The following TRIM2 variants were observed in gnomAD, a reference collection of about 807,000 sequenced individuals.
TRIM2 encodes the protein tripartite motif containing 2.
A neutral mutation model predicts 75.2 loss-of-function variants in TRIM2; 20 were observed. The observed-to-expected ratio is 0.27, with a 90% CI of 0.19 to 0.39. The LOEUF is 0.39. TRIM2 is among the 10% of genes least tolerant of loss of function. The pLI, the probability that TRIM2 is intolerant of heterozygous loss-of-function variation, is 1.00. For synonymous variants in TRIM2, 373 were observed against 388.3 expected (o/e 0.96, Z 0.46); for missense variants, 660 against 990.8 (o/e 0.67, Z 4.48).
intron 1 of TRIM2, among the ~76,000 whole-genome samples, chr4:153,235,965 G>A (rs1270384689): frequency 6.6e-6 from 1 of 152,080 alleles, no homozygotes; most frequent in African/African-American, 2.4e-5. Flanking sequence ...GGCTCCATGT[G>A]ACATGTGTCG....
intron 1 of TRIM2, chr4:153,222,264 A>C (rs929952280): frequency 6.6e-6 from 1 of 151,968 alleles, no homozygotes; most frequent in Non-Finnish European, 1.5e-5. Flanking sequence ...GCTTATAATG[A>C]ACTGTCATGA....
intron 1 of TRIM2, among the ~76,000 whole-genome samples, chr4:153,197,628 A>G (rs1270564218): frequency 1.3e-5 from 2 of 152,062 alleles, no homozygotes; most frequent in African/African-American, 4.8e-5. Context: ...CCCCAGCACT[A>G]TGGGAGGCCG....
At chr4:153,311,368 A>G (rs1315221949) in intron 6 of TRIM2, among the ~76,000 whole-genome samples, 1 of 151,428 alleles carries the variant, frequency 6.6e-6, no homozygotes, top group South Asian at 2.1e-4. Context: ...TTTTCCTTTT[A>G]TAAGCTGCTA....
chr4:153,218,635 A>G (rs890132178), intron 1 of TRIM2, among the ~76,000 whole-genome samples: 1 of 152,116 alleles, frequency 6.6e-6, no homozygotes, highest in Non-Finnish European at 1.5e-5. Context: ...CTACAAGTCT[A>G]CCCTTTCCGT....
intron 1 of TRIM2, among the ~76,000 whole-genome samples, chr4:153,171,419 C>T (rs903396186): frequency 4.6e-5 from 7 of 152,108 alleles, no homozygotes; most frequent in African/African-American, 1.7e-4. Context: ...AACCCCGTCT[C>T]CACTAAAAAT....
chr4:153,210,058 ATTTTTTTTTTT>A (rs761134144), intron 1 of TRIM2, among the ~76,000 whole-genome samples: 1 of 107,026 alleles, frequency 9.3e-6, no homozygotes, highest in Admixed American at 1.0e-4. Flanking sequence ...GGGTGATTTA[ATTTTTTTTTTT>A]TTTTTTTTTT....
intron 1 of TRIM2, chr4:153,257,878 C>G (rs1377370983): frequency 3.2e-6 from 1 of 311,868 alleles, no homozygotes; most frequent in Non-Finnish European, 6.4e-6. Context: ...GCTGCATCCT[C>G]TGTAGCTGTA....
chr4:153,196,343 G>A (rs1186914312), intron 1 of TRIM2, among the ~76,000 whole-genome samples: 1 of 151,820 alleles, frequency 6.6e-6, no homozygotes, highest in Non-Finnish European at 1.5e-5. Flanking sequence ...AAGTTGAGGC[G>A]GGAGGATTGC....
At chr4:153,168,010 C>T (rs911652081) in intron 1 of TRIM2, among the ~76,000 whole-genome samples, 1 of 151,872 alleles carries the variant, frequency 6.6e-6, no homozygotes, top group Admixed American at 6.6e-5. Context: ...AGTTTCTTTG[C>T]CATTAATTAA....
In TRIM2 at chr4:153,308,179, G is replaced by A. The variant is rs1365943004; in HGVS notation, c.1511-7306G>A. The stretch of plus-strand genomic sequence containing the variant: ...TTCACCCCAGCGTCATAGAGATCCC[G>A]GGCATCTTGGTCAATCAGTTCATAA... On this transcript the variant is annotated intron_variant, in intron 6 of 11. Coordinates refer to ENST00000338700, the MANE Select transcript of TRIM2 (RefSeq NM_015271.5). 2.7e-5 allele frequency: 38 copies of A among 1,387,270 alleles called. 1 individual carries two copies. Among genetic ancestry groups the A allele is most frequent in the African/African-American group, 8.6e-5 (6 of 69,378 alleles). The allele number at this position is 1,387,270 out of a possible 1,614,324, so 85.9% of individuals were successfully genotyped here.
At chr4:153,257,357 C>A in intron 1 of TRIM2, 13 of 1,093,928 alleles carry the variant, frequency 1.2e-5, no homozygotes, top group Non-Finnish European at 1.5e-5. Context: ...ATCCCATAAT[C>A]CCTTGCCTGG....
chr4:153,314,504 T>C (rs114726864), intron 6 of TRIM2, among the ~76,000 whole-genome samples: 8 of 151,622 alleles, frequency 5.3e-5, no homozygotes, highest in African/African-American at 1.5e-4. Flanking sequence ...TTCCAACTAG[T>C]TGAGAGGCTG....
intron 11 of TRIM2, among the ~76,000 whole-genome samples, chr4:153,334,170 G>A (rs1772098203): frequency 6.6e-6 from 1 of 151,738 alleles, no homozygotes; most frequent in South Asian, 2.1e-4. Context: ...GCACCATCTA[G>A]GGCCCTTCCC....
intron 3 of TRIM2, 40 bp from the exon 4 acceptor site, chr4:153,292,942 C>T (rs1303131092): frequency 1.3e-6 from 2 of 1,545,108 alleles, no homozygotes; most frequent in Non-Finnish European, 1.8e-6. Context: ...GCCCTCAACC[C>T]ATGGCCCAGA....
chr4:153,166,398 G>GGGATC (rs747994203), intron 1 of TRIM2, among the ~76,000 whole-genome samples: 58 of 152,270 alleles, frequency 3.8e-4, no homozygotes, highest in Admixed American at 8.5e-4. Context: ...ATTGGGACAA[G>GGGATC]ACCTTTGTAG....
upstream of TRIM2, among the ~76,000 whole-genome samples, chr4:153,203,103 C>CAAAAAA (rs200371158): frequency 4.6e-5 from 4 of 87,326 alleles, no homozygotes; most frequent in South Asian, 8.2e-4. Context: ...GACTCCATCT[C>CAAAAAA]AAAAAAAAAA....
chr4:153,224,286 A>G (rs575540748), intron 1 of TRIM2, among the ~76,000 whole-genome samples: 8 of 152,330 alleles, frequency 5.3e-5, no homozygotes, highest in African/African-American at 1.4e-4. Flanking sequence ...TTCATATAAC[A>G]ATGAAGGATC....
chr4:153,329,487 A>G (rs570831252), intron 11 of TRIM2, among the ~76,000 whole-genome samples: 1 of 151,758 alleles, frequency 6.6e-6, no homozygotes, highest in Non-Finnish European at 1.5e-5. Context: ...CTAAGCTGCC[A>G]TCTCAAGAAG....
At chr4:153,220,036 T>A (rs1158189527) in intron 1 of TRIM2, among the ~76,000 whole-genome samples, 1 of 152,064 alleles carries the variant, frequency 6.6e-6, no homozygotes, top group African/African-American at 2.4e-5. Context: ...TCTCATAAGA[T>A]CCCATGTGGC....
Sources: gnomAD v4.1 joint callset for allele counts (sites outside exome capture counted in the v4.1 genomes callset) on GRCh38, gnomAD v4.1.1 for gene constraint, MANE v1.5 for transcripts, NCBI Gene and HGNC (gene_info 2026-07-23, HGNC 2026-07-21) for gene names.